The following TG variants were observed in gnomAD, a reference collection of about 807,000 sequenced individuals.
TG encodes thyroglobulin, also known as thyroid hormones.
A neutral mutation model predicts 324.7 loss-of-function variants in TG; 270 were observed. The observed-to-expected ratio is 0.83, with a 90% CI of 0.75 to 0.92. TG has a LOEUF of 0.92. Ranked by LOEUF, TG falls within the 40% of genes least tolerant of loss-of-function variation. The pLI is 0.00. For synonymous variants in TG, 1,401 were observed against 1,327.0 expected, an observed-to-expected ratio of 1.06 and a Z score of -1.21; for missense variants, 3,591 against 3,456.4, an observed-to-expected ratio of 1.04 and a Z score of -0.98.
At chr8:133,087,384 A>G (rs535565936) in intron 41 of TG, among the ~76,000 whole-genome samples, 54 of 152,196 alleles carry the variant, frequency 3.5e-4, no homozygotes, top group Non-Finnish European at 6.6e-4. Flanking sequence ...TGAAGACAGC[A>G]AGGCTTATTG....
At chr8:133,052,317 G>A (rs1840561438) in intron 41 of TG, among the ~76,000 whole-genome samples, 2 of 152,214 alleles carry the variant, frequency 1.3e-5, no homozygotes, top group South Asian at 4.1e-4. Flanking sequence ...GCAGTCAAAT[G>A]TATTGTTCAT....
intron 41 of TG, chr8:133,072,876 T>C (rs1844286033): frequency 6.6e-6 from 1 of 152,312 alleles, no homozygotes; most frequent in South Asian, 2.1e-4. Context: ...CAAGCAGAAA[T>C]ACATATTCAG....
intron 24 of TG, among the ~76,000 whole-genome samples, chr8:132,934,679 T>C (rs1823300288): frequency 6.6e-6 from 1 of 152,222 alleles, no homozygotes; most frequent in African/African-American, 2.4e-5. Flanking sequence ...CAAGAAGAGC[T>C]GTTGCCTTCA....
intron 16 of TG, among the ~76,000 whole-genome samples, chr8:132,902,844 A>G (rs2132299849): frequency 6.6e-6 from 1 of 152,316 alleles, no homozygotes; most frequent in South Asian, 2.1e-4. Context: ...TGGCTTGGCC[A>G]TGTAGGACTC....
chr8:133,127,491 C>A (rs1193724491), intron 45 of TG, among the ~76,000 whole-genome samples: 1 of 152,170 alleles, frequency 6.6e-6, no homozygotes, highest in Admixed American at 6.5e-5. Flanking sequence ...CCTAGGATTT[C>A]TCAGTTCTAG....
chr8:132,962,559 C>T (rs1320495952), intron 28 of TG, among the ~76,000 whole-genome samples: 1 of 152,202 alleles, frequency 6.6e-6, no homozygotes, highest in African/African-American at 2.4e-5. Context: ...TCATGGAAGA[C>T]CTGTTCCTGA....
chr8:132,986,341 G>A (rs1587688202), intron 35 of TG, among the ~76,000 whole-genome samples: 1 of 142,402 alleles, frequency 7.0e-6, no homozygotes, highest in Non-Finnish European at 1.6e-5. Flanking sequence ...ATATATGTGT[G>A]TATATATATG....
At chr8:133,076,829 A>G (rs1393227212) in intron 41 of TG, 1 of 151,252 alleles carries the variant, frequency 6.6e-6, no homozygotes, top group Non-Finnish European at 1.5e-5. Flanking sequence ...TTTAAAGGGG[A>G]CTACAGAGAC....
intron 2 of TG, 55 bp from the exon 3 acceptor site, chr8:132,869,674 G>A: frequency 9.6e-6 from 14 of 1,455,802 alleles, no homozygotes; most frequent in Non-Finnish European, 1.4e-5. Context: ...GTGGGAGCCG[G>A]CATGTGGCTT....
chr8:133,030,745 A>G (rs765095066), intron 41 of TG, among the ~76,000 whole-genome samples: 1 of 152,236 alleles, frequency 6.6e-6, no homozygotes, highest in South Asian at 2.1e-4. Context: ...CCAGCCAAGC[A>G]TAAGGGAAGG....
At chr8:133,047,509 C>T (rs1839651259) in intron 41 of TG, 1 of 352,618 alleles carries the variant, frequency 2.8e-6, no homozygotes, top group Non-Finnish European at 5.4e-6. Flanking sequence ...CCAAAGGCCA[C>T]ATTCTATCTG....
At chr8:133,049,687 T>C in intron 41 of TG, 1 of 555,222 alleles carries the variant, frequency 1.8e-6, no homozygotes, top group Non-Finnish European at 3.2e-6. Flanking sequence ...CCAACTTCCT[T>C]CATTTTACTG....
At chr8:132,965,556 C>A (rs370417403) in intron 29 of TG, among the ~76,000 whole-genome samples, 11 of 152,234 alleles carry the variant, frequency 7.2e-5, no homozygotes, top group African/African-American at 2.4e-4. Context: ...ATCTTGCCAT[C>A]GTTGTACATC....
In TG at chr8:132,882,585, C is replaced by G; in HGVS notation, c.862C>G (p.Gln288Glu). The stretch of plus-strand genomic sequence containing the variant: ...ACTGCAGAGACGGTTCCTCGCAGTT[C>G]AATCAGTCATCTCTGGCAGATTCCG... ...RILQRRFLAV[Q>E]SVISGRFRCP... The change falls in exon 7 of 48, where the codon CAA (glutamine) becomes GAA (glutamate). Residue 288 changes from glutamine (Q) to glutamate (E), a missense_variant. Coordinates refer to ENST00000220616, the MANE Select transcript of TG (RefSeq NM_003235.5). The G allele has an allele frequency of 6.2e-7, 1 of 1,614,206 alleles. No homozygotes were observed. The highest frequency in any genetic ancestry group is 2.2e-5 in the East Asian group (1 of 44,882).
chr8:132,950,137 C>T (rs1424167295), intron 27 of TG, among the ~76,000 whole-genome samples: 1 of 152,214 alleles, frequency 6.6e-6, no homozygotes, highest in Non-Finnish European at 1.5e-5. Context: ...GAGAGTCTGA[C>T]TTATGATGAA....
At position 133,131,921 on chromosome 8, in the gene TG, T is replaced by C; in HGVS notation, c.7972T>C (p.Tyr2658His). 8 of 1,614,178 alleles carry C rather than the reference T, an allele frequency of 5.0e-6. No homozygotes were observed. The highest frequency in any genetic ancestry group is 5.9e-6 in the Non-Finnish European group (7 of 1,180,034). The stretch of plus-strand genomic sequence containing the variant: ...GAGCCTGTCGCTGAAAATCATGCAG[T>C]ACTTTTCCCACTTCATCAGATCAGG... ...EKSLSLKIMQ[Y>H]FSHFIRSGNP... Residue 2658 changes from tyrosine (Y) to histidine (H), a missense_variant, in exon 46 of 48, where the codon TAC becomes CAC. Tyr to His is a moderately conservative substitution (Grantham distance 83, BLOSUM62 2). Coordinates refer to ENST00000220616, the MANE Select transcript of TG (RefSeq NM_003235.5).
intron 16 of TG, among the ~76,000 whole-genome samples, chr8:132,904,614 T>C (rs1318703413): frequency 6.6e-6 from 1 of 152,124 alleles, no homozygotes; most frequent in Non-Finnish European, 1.5e-5. Context: ...ACAGGTCTGC[T>C]AGGGAAGGTA....
intron 41 of TG, among the ~76,000 whole-genome samples, chr8:133,080,004 A>G (rs774826942): frequency 1.3e-5 from 2 of 152,066 alleles, no homozygotes; most frequent in Admixed American, 6.5e-5. Context: ...AACCCCTTCA[A>G]TGTGTTAGGC....
intron 40 of TG, 66 bp downstream of exon 40, chr8:133,022,216 G>C: frequency 6.2e-7 from 1 of 1,608,074 alleles, no homozygotes; most frequent in Non-Finnish European, 8.5e-7. Context: ...TTTTCCCCAA[G>C]ACCCATCCCC....
Sources: allele counts gnomAD v4.1 joint callset (sites outside exome capture counted in the v4.1 genomes callset), GRCh38; gene constraint gnomAD v4.1.1; transcripts MANE v1.5; gene names NCBI Gene and HGNC (gene_info 2026-07-23, HGNC 2026-07-21).